PRDM16: variants seen among roughly 807,000 people sequenced by gnomAD.
The protein encoded by PRDM16 is histone-lysine N-methyltransferase PRDM16.
In PRDM16, 23 loss-of-function variants were observed where a neutral mutation model predicts 110.6. The ratio of observed to expected loss-of-function variants is 0.21; its 90% confidence interval spans 0.15 to 0.29. The LOEUF (loss-of-function observed/expected upper bound fraction) is 0.29, where lower values mean the gene tolerates loss of function less well. PRDM16 is among the 10% of genes least tolerant of loss of function. PRDM16 has a pLI of 1.00. For missense variants in PRDM16, 1,615 were observed against 1,794.3 expected (o/e 0.90, Z 1.81); for synonymous variants, 799 against 781.8 (o/e 1.02, Z -0.37).
intron 12 of PRDM16, among the ~76,000 whole-genome samples, chr1:3,419,137 G>A (rs1482842957): frequency 2.0e-5 from 3 of 152,182 alleles, no homozygotes; most frequent in East Asian, 1.9e-4. Context: ...TTCATCTCAC[G>A]ACGGCCATAG....
chr1:3,097,619 C>A (rs987771266), intron 1 of PRDM16, among the ~76,000 whole-genome samples: 1 of 152,238 alleles, frequency 6.6e-6, no homozygotes, highest in Admixed American at 6.5e-5. Flanking sequence ...CCTGCCCTCT[C>A]ATCTCCAGCC....
At chr1:3,268,520 CA>C (rs1386675522) in intron 3 of PRDM16, among the ~76,000 whole-genome samples, 3 of 152,180 alleles carry the variant, frequency 2.0e-5, no homozygotes, top group Non-Finnish European at 4.4e-5. Context: ...GGCTCATGGG[CA>C]ACAGTGGGCA....
intron 1 of PRDM16, among the ~76,000 whole-genome samples, chr1:3,150,133 G>A (rs1643748938): frequency 6.6e-6 from 1 of 152,224 alleles, no homozygotes; most frequent in Non-Finnish European, 1.5e-5. Flanking sequence ...GAACGCACAG[G>A]CGAACTTTAC....
chr1:3,129,023 G>A lies in PRDM16; in HGVS notation c.38-57102G>A, dbSNP rs181553204. On this transcript the variant is annotated intron_variant, in intron 1 of 16. Coordinates refer to ENST00000270722, the MANE Select transcript of PRDM16 (RefSeq NM_022114.4). ...CTGGGGTGTGGTCGCTGCTCCCCTA[G>A]CAGGAAACCAGGAGGGAGTCTGGTG... Among the ~76,000 whole-genome samples the A allele has an allele frequency of 2.6e-5, 4 of 152,324 alleles. No homozygotes were observed. In the East Asian group the frequency reaches 7.7e-4, roughly 29 times the overall value.
chr1:3,170,487 G>A (rs888522485), intron 1 of PRDM16, among the ~76,000 whole-genome samples: 1 of 152,196 alleles, frequency 6.6e-6, no homozygotes, highest in Non-Finnish European at 1.5e-5. Flanking sequence ...ATCCAGGGAG[G>A]GTCCTCCTGG....
intron 3 of PRDM16, among the ~76,000 whole-genome samples, chr1:3,304,894 TC>T (rs1276310478): frequency 6.6e-6 from 1 of 152,116 alleles, no homozygotes; most frequent in Non-Finnish European, 1.5e-5. Flanking sequence ...TGGACCCTAT[TC>T]CTTCATAGCC....
intron 3 of PRDM16, among the ~76,000 whole-genome samples, chr1:3,323,881 C>T (rs1005041714): frequency 2.0e-5 from 3 of 152,252 alleles, no homozygotes; most frequent in Non-Finnish European, 2.9e-5. Flanking sequence ...AGGGGCTCCC[C>T]CGGCTCTGCA....
chr1:3,267,889 CAGAAGTGGAATCCAAGCCAGGATGG>C (rs1640333032), intron 3 of PRDM16, among the ~76,000 whole-genome samples: 1 of 152,204 alleles, frequency 6.6e-6, no homozygotes. Context: ...TAAGCCGAGT[CAGAAGTGGAATCCAAGCCAGGATGG>C]AGGTGGAAAC....
At chr1:3,100,020 C>T (rs1199590362) in intron 1 of PRDM16, among the ~76,000 whole-genome samples, 1 of 152,094 alleles carries the variant, frequency 6.6e-6, no homozygotes, top group Non-Finnish European at 1.5e-5. Context: ...GTGAGGGAGC[C>T]GTAGAGGAGC....
intron 3 of PRDM16, among the ~76,000 whole-genome samples, chr1:3,298,889 G>C (rs146112279): frequency 2.0e-5 from 3 of 152,158 alleles, no homozygotes; most frequent in Non-Finnish European, 4.4e-5. Flanking sequence ...AGTCCCTTCC[G>C]TAGCTCCGAT....
intron 3 of PRDM16, among the ~76,000 whole-genome samples, chr1:3,271,773 G>T (rs1309882057): frequency 6.6e-6 from 1 of 152,140 alleles, no homozygotes; most frequent in African/African-American, 2.4e-5. Flanking sequence ...ACCTTGGCTG[G>T]CACGGGACCA....
In PRDM16 at chr1:3,217,809, G is replaced by A. The variant is rs533549510; in HGVS notation, c.388-26278G>A. Among the ~76,000 whole-genome samples the A allele has an allele frequency of 1.7e-3, 259 of 152,258 alleles. 2 individuals are homozygous for A. The highest frequency in any genetic ancestry group is 2.8e-3 in the Non-Finnish European group (192 of 68,022). On this transcript the variant is annotated intron_variant, in intron 2 of 16. Transcript: ENST00000270722. ...TTTCATTTTGGGCTGGCTGGGACGC[G>A]CGCTCTTCCCCCTAGAAGTATTCGG...
chr1:3,411,246 A>G, intron 8 of PRDM16, 138 bp from the exon 9 acceptor site: 1 of 789,596 alleles, frequency 1.3e-6, no homozygotes, highest in Non-Finnish European at 2.0e-6. Context: ...GCCCACGCAC[A>G]TGCACCCAGA....
rs968699122 is a variant in PRDM16, at chr1:3,392,313, G to A, written c.574-4178G>A. Among the ~76,000 whole-genome samples the A allele has an allele frequency of 7.9e-5, 12 of 152,218 alleles. No individual in the cohort carries two copies. The East Asian group carries it at 1.2e-3, about 15-fold the overall frequency. On this transcript the variant is annotated intron_variant, in intron 4 of 16. Transcript: ENST00000270722. ...GTTTTTTCCAGTAAGCACACGGAAGGAGGGTTCACCTACTTGATTCAAGCC... is the reference window on the plus strand; with the variant it reads ...GTTTTTTCCAGTAAGCACACGGAAGAAGGGTTCACCTACTTGATTCAAGCC...
chr1:3,180,839 T>A (rs928562833), intron 1 of PRDM16, among the ~76,000 whole-genome samples: 6 of 152,036 alleles, frequency 3.9e-5, no homozygotes, highest in Non-Finnish European at 8.8e-5. Context: ...CAGGGCCCTC[T>A]GCTTACACAC....
rs541568804 is a variant in PRDM16 at position 3,186,888 on chromosome 1, T to C, written c.387+414T>C. ...TGTGGAGCCGCTCACAAATCACACC[T>C]GGTGGCCACGCTGCCCCGGCTGCCG... is the stretch of plus-strand genomic sequence containing the variant. On this transcript the variant is annotated intron_variant, in intron 2 of 16. Transcript: ENST00000270722. Among the ~76,000 whole-genome samples, 112 of 152,280 alleles carry C rather than the reference T, an allele frequency of 7.4e-4. 3 individuals carry two copies. The South Asian group carries it at 0.023, about 31-fold the overall frequency.
chr1:3,191,579 C>CAAATTTT (rs1202768626), intron 2 of PRDM16, among the ~76,000 whole-genome samples: 1 of 152,222 alleles, frequency 6.6e-6, no homozygotes, highest in Non-Finnish European at 1.5e-5. Context: ...CCAAAACACC[C>CAAATTTT]AGCCTTGAAG....
At chr1:3,414,519 G>T in intron 9 of PRDM16, 41 bp from the exon 10 acceptor site, 1 of 1,515,240 alleles carries the variant, frequency 6.6e-7, no homozygotes, top group South Asian at 1.2e-5. Flanking sequence ...GGCGGGGCGG[G>T]CGGCTCGGTG....
chr1:3,291,474 C>T (rs912218409), intron 3 of PRDM16, among the ~76,000 whole-genome samples: 18 of 152,164 alleles, frequency 1.2e-4, no homozygotes, highest in Admixed American at 1.0e-3. Context: ...CAATAAACAC[C>T]ATCCGCTGTC....
Sources: gnomAD v4.1 joint callset for allele counts (sites outside exome capture counted in the v4.1 genomes callset) on GRCh38, gnomAD v4.1.1 for gene constraint, MANE v1.5 for transcripts, NCBI Gene and HGNC (gene_info 2026-07-23, HGNC 2026-07-21) for gene names.